The following MSH4 variants were observed in gnomAD, a reference collection of about 807,000 sequenced individuals.
MSH4 encodes mutS homolog 4, also known as mutS protein homolog 4.
MSH4 carries 106 observed loss-of-function variants against 113.7 expected under a neutral mutation model. That is an observed-to-expected ratio of 0.93 (90% CI 0.80 to 1.10). The LOEUF is 1.10. MSH4 is among the 50% of genes least tolerant of loss of function. The probability of loss-of-function intolerance (pLI) is 0.00; values close to 1 mark genes in which losing one functional copy is unlikely to be tolerated. For synonymous variants in MSH4, 368 were observed against 380.2 expected (o/e 0.97, Z 0.37); for missense variants, 1,061 against 1,093.7 (o/e 0.97, Z 0.42).
intron 17 of MSH4, among the ~76,000 whole-genome samples, chr1:75,896,205 C>T (rs564807654): frequency 1.5e-3 from 231 of 152,246 alleles, no homozygotes; most frequent in African/African-American, 4.9e-3. Context: ...CTTTCTAAGT[C>T]TACAGCTTGC....
At chr1:75,839,178 A>G (rs563852092) in intron 7 of MSH4, among the ~76,000 whole-genome samples, 1 of 152,152 alleles carries the variant, frequency 6.6e-6, no homozygotes, top group Admixed American at 6.6e-5. Flanking sequence ...TTTCAAAGTG[A>G]TATCTATAAA....
intron 19 of MSH4, among the ~76,000 whole-genome samples, chr1:75,907,329 C>T (rs1652681789): frequency 6.6e-6 from 1 of 151,558 alleles, no homozygotes; most frequent in African/African-American, 2.4e-5. Context: ...TCTGTTATTC[C>T]ACTCCCTCCT....
intron 9 of MSH4, among the ~76,000 whole-genome samples, chr1:75,872,471 G>A (rs1651734219): frequency 6.6e-6 from 1 of 152,200 alleles, no homozygotes; most frequent in Admixed American, 6.5e-5. Flanking sequence ...AAGTGTCAAA[G>A]GTCTTAAAGA....
chr1:75,840,211 C>A (rs1422557956), intron 7 of MSH4, among the ~76,000 whole-genome samples: 2 of 145,930 alleles, frequency 1.4e-5, no homozygotes, highest in Non-Finnish European at 3.0e-5. Flanking sequence ...TATAAAGACA[C>A]ATGCACACGT....
At chr1:75,823,651 A>G (rs773838926) in intron 7 of MSH4, among the ~76,000 whole-genome samples, 14 of 152,106 alleles carry the variant, frequency 9.2e-5, no homozygotes, top group Non-Finnish European at 1.5e-4. Context: ...GACAGGCCCC[A>G]GTGTGTGATG....
At chr1:75,832,305 A>C (rs1325392466) in intron 7 of MSH4, among the ~76,000 whole-genome samples, 3 of 152,150 alleles carry the variant, frequency 2.0e-5, no homozygotes, top group Admixed American at 2.0e-4. Context: ...TAGCCTACCA[A>C]CCAAAAAAGT....
At chr1:75,863,820 TTTA>T (rs933341893) in intron 8 of MSH4, among the ~76,000 whole-genome samples, 1 of 152,226 alleles carries the variant, frequency 6.6e-6, no homozygotes, top group African/African-American at 2.4e-5. Flanking sequence ...TACCTTCCTG[TTTA>T]TTATTATTTT....
At chr1:75,862,354 C>T (rs1028527426) in intron 8 of MSH4, among the ~76,000 whole-genome samples, 2 of 152,182 alleles carry the variant, frequency 1.3e-5, no homozygotes, top group Non-Finnish European at 2.9e-5. Context: ...AGTAATCACC[C>T]ATCTTCTGCG....
At chr1:75,895,671 A>G (rs187576360) in intron 17 of MSH4, among the ~76,000 whole-genome samples, 1 of 152,206 alleles carries the variant, frequency 6.6e-6, no homozygotes, top group African/African-American at 2.4e-5. Flanking sequence ...TGTTGACTTC[A>G]CGTCATATTA....
intron 15 of MSH4, among the ~76,000 whole-genome samples, chr1:75,884,319 A>C (rs569964017): frequency 6.6e-6 from 1 of 152,144 alleles, no homozygotes; most frequent in Admixed American, 6.6e-5. Flanking sequence ...ATGTGCATAC[A>C]TGCATCTAAA....
intron 6 of MSH4, among the ~76,000 whole-genome samples, chr1:75,817,794 CAA>C (rs36038001): frequency 5.5e-4 from 83 of 149,614 alleles, no homozygotes; most frequent in African/African-American, 1.4e-3. Flanking sequence ...AATAAGTTCT[CAA>C]AAAAAAAAAA....
chr1:75,836,620 A>G (rs1238459846), intron 7 of MSH4, among the ~76,000 whole-genome samples: 2 of 152,170 alleles, frequency 1.3e-5, no homozygotes, highest in Non-Finnish European at 2.9e-5. Flanking sequence ...GTTAAATGTA[A>G]TGGACACGTT....
intron 19 of MSH4, among the ~76,000 whole-genome samples, chr1:75,910,819 T>C (rs1381210104): frequency 3.3e-5 from 5 of 152,176 alleles, no homozygotes. Flanking sequence ...TCTTCACCTT[T>C]AAGTCTCCCA....
intron 8 of MSH4, among the ~76,000 whole-genome samples, chr1:75,854,013 G>GTATATATATATATATATATATA (rs59347058): frequency 0.016 from 1,879 of 116,536 alleles, 76 homozygotes; most frequent in South Asian, 0.025. Context: ...GTGTGTGTGT[G>GTATATATATATATATATATATA]TATATATATA....
At chr1:75,837,503 C>T (rs1650857712) in intron 7 of MSH4, among the ~76,000 whole-genome samples, 1 of 150,656 alleles carries the variant, frequency 6.6e-6, no homozygotes, top group Non-Finnish European at 1.5e-5. Flanking sequence ...TCTCTTGCCT[C>T]AGCCTCCCGA....
chr1:75,890,730 C>A lies in MSH4; in HGVS notation c.2261C>A (p.Ser754Ter). 1 of 1,602,240 alleles carries A rather than the reference C, an allele frequency of 6.2e-7. No individual in the cohort carries two copies. Among genetic ancestry groups the A allele is most frequent in the South Asian group, 1.1e-5 (1 of 89,148 alleles). Residue 754 changes from serine (S) to a stop codon, truncating the protein, a stop_gained, in exon 17 of 20, where the codon TCG becomes TAG. Coordinates refer to ENST00000263187, the MANE Select transcript of MSH4 (RefSeq NM_002440.4). LOFTEE classifies it high-confidence loss of function. ...ATTCTACATAATGCTAATGACAAATCGCTCATATTAATTGATGAACTTGGC... is the reference window on the plus strand; with the variant it reads ...ATTCTACATAATGCTAATGACAAATAGCTCATATTAATTGATGAACTTGGC... ...AYILHNANDK[S>*]LILIDELGRG...
intron 7 of MSH4, among the ~76,000 whole-genome samples, chr1:75,840,822 C>T (rs1442536706): frequency 6.6e-6 from 1 of 152,022 alleles, no homozygotes; most frequent in Non-Finnish European, 1.5e-5. Flanking sequence ...ACCTCACATC[C>T]ATGTTCGGGC....
At chr1:75,834,940 T>C (rs1650796737) in intron 7 of MSH4, among the ~76,000 whole-genome samples, 1 of 152,056 alleles carries the variant, frequency 6.6e-6, no homozygotes, top group Admixed American at 6.5e-5. Flanking sequence ...ACAAATGAAG[T>C]GAAAAATAAA....
At position 75,912,377 on chromosome 1, in the gene MSH4, A is replaced by G. The variant is rs1000978588; in HGVS notation, c.2620-319A>G. On this transcript the variant is annotated intron_variant, in intron 19 of 19. Transcript: ENST00000263187. ...AGAGTCTATCTCTGGTGGATTTTCT[A>G]TTACTTTTCGGTATTATGTTGAGAA... 2.0e-5 allele frequency among the ~76,000 whole-genome samples: 3 copies of G among 152,062 alleles called. No individual in the cohort carries two copies. The South Asian group carries it at 6.2e-4, about 31-fold the overall frequency.
Sources: gnomAD v4.1 joint callset for allele counts (sites outside exome capture counted in the v4.1 genomes callset) on GRCh38, gnomAD v4.1.1 for gene constraint, MANE v1.5 for transcripts, NCBI Gene and HGNC (gene_info 2026-07-23, HGNC 2026-07-21) for gene names.